CACTIN: variants seen among roughly 807,000 people sequenced by gnomAD.
CACTIN encodes the protein cactin, spliceosome C complex subunit.
A neutral mutation model predicts 84.9 loss-of-function variants in CACTIN; 20 were observed. That is an observed-to-expected ratio of 0.24 (90% confidence interval 0.17 to 0.34). The LOEUF is 0.34. Ranked by LOEUF, CACTIN falls within the 10% of genes least tolerant of loss-of-function variation. CACTIN has a pLI of 1.00. For missense variants in CACTIN, 897 were observed against 1,117.2 expected (o/e 0.80, Z 2.81); for synonymous variants, 549 against 467.9 (o/e 1.17, Z -2.24).
chr19:3,620,810 C>A lies in CACTIN; in HGVS notation c.643-8G>T, dbSNP rs1304428942. 4 of 1,606,954 alleles carry A rather than the reference C, an allele frequency of 2.5e-6. No individual in the cohort carries two copies. On this transcript the variant is annotated splice_polypyrimidine_tract_variant and splice_region_variant and intron_variant, in intron 2 of 9. Transcript: ENST00000429344. ...CCCCTTCTTCTCCAGGGCCTGGAAG[C>A]ACCAGGCACACCTGCCCTGAGCACA...
In CACTIN at chr19:3,612,050, T is replaced by C; in HGVS notation, c.2150A>G (p.Glu717Gly). The change falls in exon 10 of 10, where the codon GAG (glutamate) becomes GGG (glycine). Residue 717 changes from glutamate to glycine, a missense_variant. Glu to Gly is a moderately conservative substitution (Grantham distance 98). Transcript: ENST00000429344. ...ILRFHAGPPY[E>G]DIAFKIVNRE... is the part of the protein sequence containing the mutation. ...GTTGACGATCTTGAAAGCGATGTCC[T>C]CGTAGGGCGGCCCCGCGTGGAAGCG... is the stretch of plus-strand genomic sequence containing the variant. The C allele has an allele frequency of 6.2e-7, 1 of 1,613,842 alleles. No individual in the cohort carries two copies. Among genetic ancestry groups the C allele is most frequent in the Non-Finnish European group, 8.5e-7 (1 of 1,179,896 alleles).
At position 3,624,160 on chromosome 19, in the gene CACTIN, G is replaced by A; in HGVS notation, c.170C>T (p.Ser57Leu). The A allele has an allele frequency of 3.2e-6, 5 of 1,552,678 alleles. No individual in the cohort carries two copies. The highest frequency in any genetic ancestry group is 3.5e-6 in the Non-Finnish European group (4 of 1,151,518). ...RRRRRSRERRSDSEEERWQRS... is the reference protein window; with the variant it reads ...RRRRRSRERRLDSEEERWQRS... ...CTGCCACCGCTCTTCCTCTGAATCT[G>A]ACCTGCGGAGAGGACCATGGATGCC... is the stretch of plus-strand genomic sequence containing the variant. Residue 57 changes from serine (S) to leucine (L), a missense_variant and splice_region_variant, in exon 2 of 10, where the codon TCA becomes TTA. By Grantham distance (145) the Ser-to-Leu change is moderately radical (BLOSUM62 -2). Transcript: ENST00000429344.
chr19:3,623,226 C>A (rs1381194852), intron 2 of CACTIN, among the ~76,000 whole-genome samples: 1 of 151,940 alleles, frequency 6.6e-6, no homozygotes, highest in East Asian at 1.9e-4. Flanking sequence ...CAGAGCGAGA[C>A]CCTGAGTCAA....
Position 3,613,146 on chromosome 19 carries a change from C to T in CACTIN, c.1698G>A (p.Ala566=), listed in dbSNP as rs1254401935. 2 of 1,608,546 alleles carry T rather than the reference C, an allele frequency of 1.2e-6. No individual in the cohort carries two copies. Among genetic ancestry groups the T allele is most frequent in the East Asian group, 2.2e-5 (1 of 44,830 alleles). The part of the protein sequence containing the change: ...AGRYSPRLLT[A]HELPLDAHVL... ...CGTGCGCGTCCAGTGGCAGCTCGTG[C>T]GCCGTGAGCAGCCGCGGGCTGTACC... The change falls in exon 9 of 10, where the codon GCG becomes GCA. Residue 566 remains alanine (A), a synonymous_variant. Transcript: ENST00000429344.
rs530553549 is a variant in CACTIN, at chr19:3,623,949, G to T, written c.381C>A (p.Pro127=). The change falls in exon 2 of 10, where the codon CCC becomes CCA. Residue 127 remains proline, a synonymous_variant. Coordinates refer to ENST00000429344, the MANE Select transcript of CACTIN (RefSeq NM_001080543.2). The part of the protein sequence containing the change: ...SSASPGRSQS[P]RAAAAALSQQ... The stretch of plus-strand genomic sequence containing the variant: ...GGCTCAGGGCAGCCGCGGCCGCCCG[G>T]GGGCTCTGGGATCGCCCTGGAGACG... 13 of 1,603,002 alleles carry T rather than the reference G, an allele frequency of 8.1e-6. No homozygotes were observed. The highest frequency in any genetic ancestry group is 9.3e-6 in the Non-Finnish European group (11 of 1,178,466).
At chr19:3,612,969 G>C (rs1220367771) in intron 9 of CACTIN, 89 bp downstream of exon 9, 2 of 1,460,958 alleles carry the variant, frequency 1.4e-6, no homozygotes, top group Non-Finnish European at 1.8e-6. Flanking sequence ...ACTGACGCCA[G>C]CGGCTTCGGC....
In CACTIN at chr19:3,611,460, G is replaced by A. The variant is rs895778861; in HGVS notation, c.*463C>T. On this transcript the variant is annotated 3_prime_UTR_variant, in exon 10 of 10. Coordinates refer to ENST00000429344, the MANE Select transcript of CACTIN (RefSeq NM_001080543.2). ...AGTGGGTGCCCCGTGATGTGGCAGG[G>A]CTGGCCTTGAGTTTCCTGCTTCTCA... 1.0e-5 allele frequency: 4 copies of A among 395,942 alleles called. No individual in the cohort carries two copies. Among genetic ancestry groups the A allele is most frequent in the Non-Finnish European group, 2.0e-5 (4 of 204,826 alleles). The allele number at this position is 395,942 out of a possible 1,614,324, so 24.5% of individuals were successfully genotyped here. A position where few individuals can be genotyped will look rare whatever the true frequency, so the allele number is the denominator to read the frequency against.
At chr19:3,620,652 G>T in intron 3 of CACTIN, 55 bp downstream of exon 3, 1 of 1,426,348 alleles carries the variant, frequency 7.0e-7, no homozygotes, top group Non-Finnish European at 9.6e-7. Context: ...AAGGGGGCGG[G>T]CCTCCAGGCC....
intron 3 of CACTIN, 120 bp downstream of exon 3, chr19:3,620,587 C>A: frequency 1.3e-6 from 1 of 764,932 alleles, no homozygotes; most frequent in Non-Finnish European, 2.1e-6. Context: ...CTGGATCCAG[C>A]CTTACCTGAA....
In CACTIN at chr19:3,615,144, C is replaced by T. The variant is rs1312053658; in HGVS notation, c.1163-555G>A. On this transcript the variant is annotated intron_variant, in intron 6 of 9. Coordinates refer to ENST00000429344, the MANE Select transcript of CACTIN (RefSeq NM_001080543.2). The surrounding 1 kb of genome is among the most constrained non-coding windows in gnomAD (Gnocchi z 5.2). ...CACCCTGCTGGCCCCTGGGGAAGTC[C>T]TGGGCCCGCCCCAGGACAAACAGCT... 1 of 165,594 alleles carries T rather than the reference C, an allele frequency of 6.0e-6. No individual in the cohort carries two copies. Among genetic ancestry groups the T allele is most frequent in the Non-Finnish European group, 1.3e-5 (1 of 75,568 alleles). 10.3% of individuals were successfully genotyped at this position (165,594 alleles called of 1,614,324 possible). A position where few individuals can be genotyped will look rare whatever the true frequency, so the allele number is the denominator to read the frequency against.
chr19:3,611,805 G>T lies in CACTIN; in HGVS notation c.*118C>A. 7.9e-7 allele frequency: 1 copy of T among 1,264,562 alleles called. No individual in the cohort carries two copies. Among genetic ancestry groups the T allele is most frequent in the Non-Finnish European group, 1.1e-6 (1 of 897,728 alleles). 78.3% of individuals were successfully genotyped at this position (1,264,562 alleles called of 1,614,324 possible). Reference sequence around the variant, plus strand: ...CTGGCGAAAGAAAGATGCGGCCTGAGGTGGGACGTGAACCCGCGGCCCTGC... The same window carrying T: ...CTGGCGAAAGAAAGATGCGGCCTGATGTGGGACGTGAACCCGCGGCCCTGC... On this transcript the variant is annotated 3_prime_UTR_variant, in exon 10 of 10. Coordinates refer to ENST00000429344, the MANE Select transcript of CACTIN (RefSeq NM_001080543.2).
Position 3,624,065 on chromosome 19 carries a change from C to T in CACTIN, c.265G>A (p.Asp89Asn). The part of the protein sequence containing the change: ...WHSRDGSSQS[D>N]SGEEQSRGQW... ...CCCCGTGACTGCTCCTCTCCTGAGTCCGACTGAGAGGACCCATCTCTTGAG... is the reference window on the plus strand; with the variant it reads ...CCCCGTGACTGCTCCTCTCCTGAGTTCGACTGAGAGGACCCATCTCTTGAG... The change falls in exon 2 of 10, where the codon GAC (aspartate) becomes AAC (asparagine). Residue 89 changes from aspartate to asparagine, a missense_variant. Around this residue, in one of 8 missense-constraint regions of CACTIN, gnomAD observed 261 missense variants for 243.8 expected, o/e 1.07. Transcript: ENST00000429344. 1 of 1,603,630 alleles carries T rather than the reference C, an allele frequency of 6.2e-7. No individual in the cohort carries two copies. Among genetic ancestry groups the T allele is most frequent in the Admixed American group, 1.7e-5 (1 of 60,028 alleles).
chr19:3,622,584 A>G (rs1407975857), intron 2 of CACTIN, among the ~76,000 whole-genome samples: 1 of 152,144 alleles, frequency 6.6e-6, no homozygotes, highest in Non-Finnish European at 1.5e-5. Context: ...CAAGCCAGGG[A>G]GGGCCCAGGA....
intron 6 of CACTIN, among the ~76,000 whole-genome samples, chr19:3,618,191 G>T (rs76090640): frequency 2.9e-5 from 3 of 102,766 alleles, no homozygotes; most frequent in Admixed American, 9.2e-5. Context: ...GGGGGGGGGG[G>T]TCTCATCTAG....
intron 1 of CACTIN, among the ~76,000 whole-genome samples, chr19:3,624,714 G>C (rs769799622): frequency 2.2e-4 from 34 of 152,104 alleles, no homozygotes; most frequent in Non-Finnish European, 3.5e-4. Context: ...ACACATTTAG[G>C]CTGTCAAGGG....
In CACTIN at chr19:3,615,094, C is replaced by A; in HGVS notation, c.1163-505G>T. 1 of 182,910 alleles carries A rather than the reference C, an allele frequency of 5.5e-6. No homozygotes were observed. The highest frequency in any genetic ancestry group is 1.2e-4 in the South Asian group (1 of 8,388). 11.3% of individuals were successfully genotyped at this position (182,910 alleles called of 1,614,324 possible). The stretch of plus-strand genomic sequence containing the variant: ...CTGCCCTTTCTGGGCCTTAGTTTCC[C>A]TCTGTGAAGCCTAGCAAAGAAGGCC... On this transcript the variant is annotated intron_variant, in intron 6 of 9. Coordinates refer to ENST00000429344, the MANE Select transcript of CACTIN (RefSeq NM_001080543.2). This position sits in a 1 kb window ranked among gnomAD's most constrained non-coding sequence, Gnocchi z 5.2.
intron 7 of CACTIN, 93 bp downstream of exon 7, chr19:3,614,304 G>A: frequency 1.6e-6 from 2 of 1,260,374 alleles, no homozygotes; most frequent in East Asian, 2.5e-5. Context: ...GGTCCCAGGA[G>A]GAGGCGAGAC....
intron 5 of CACTIN, 36 bp downstream of exon 5, chr19:3,619,044 G>A (rs1568294539): frequency 6.5e-6 from 10 of 1,549,940 alleles, no homozygotes; most frequent in Non-Finnish European, 8.7e-6. Flanking sequence ...GGGGGTGAGG[G>A]TGCAGGTCAG....
chr19:3,626,478 T>C (rs4806945), intron 1 of CACTIN, 118 bp downstream of exon 1: 705,273 of 1,123,012 alleles, frequency 0.63, 222,943 homozygotes, highest in African/African-American at 0.8. Context: ...TCCCCTTCTC[T>C]AGGAAGCCCT....
Sources: allele counts gnomAD v4.1 joint callset (sites outside exome capture counted in the v4.1 genomes callset), GRCh38; gene constraint gnomAD v4.1.1; regional missense constraint gnomAD v4.1.1; non-coding constraint Gnocchi (gnomAD v3.1); transcripts MANE v1.5; gene names NCBI Gene and HGNC (gene_info 2026-07-23, HGNC 2026-07-21).